Variants in TSPAN18 observed in about 807,000 individuals in gnomAD.
The protein encoded by TSPAN18 is tetraspanin 18.
A neutral mutation model predicts 27.3 loss-of-function variants in TSPAN18; 14 were observed. That is an observed-to-expected ratio of 0.51 (90% CI 0.34 to 0.80). The LOEUF (loss-of-function observed/expected upper bound fraction) is 0.80. Among genes scored for constraint, TSPAN18 ranks in the 30% least tolerant of loss-of-function variants. The probability of loss-of-function intolerance (pLI) is 0.01; values close to 1 mark genes in which losing one functional copy is unlikely to be tolerated. For missense variants in TSPAN18, 268 were observed against 323.9 expected, an observed-to-expected ratio of 0.83 and a Z score of 1.32; for synonymous variants, 143 against 136.5, an observed-to-expected ratio of 1.05 and a Z score of -0.33.
intron 2 of TSPAN18, among the ~76,000 whole-genome samples, chr11:44,790,164 T>TGTGTGTGTGTGC (rs1856160277): frequency 1.3e-5 from 2 of 150,526 alleles, no homozygotes; most frequent in Non-Finnish European, 3.0e-5. Flanking sequence ...TGTGTGTGTG[T>TGTGTGTGTGTGC]GCATGTGTGT....
chr11:44,761,317 A>G (rs925139080), intron 1 of TSPAN18, among the ~76,000 whole-genome samples: 9 of 152,028 alleles, frequency 5.9e-5, no homozygotes, highest in African/African-American at 2.2e-4. Context: ...CTTAGCCCTA[A>G]ACCTTGGGAT....
At chr11:44,907,479 CT>C (rs1590667329) in intron 4 of TSPAN18, among the ~76,000 whole-genome samples, 1 of 152,152 alleles carries the variant, frequency 6.6e-6, no homozygotes, top group South Asian at 2.1e-4. Context: ...ATCTTTGTGT[CT>C]TTTTAAAAAA....
chr11:44,828,057 T>A (rs144090416), intron 2 of TSPAN18, among the ~76,000 whole-genome samples: 65 of 152,324 alleles, frequency 4.3e-4, no homozygotes, highest in Non-Finnish European at 8.2e-4. Context: ...TTCATGGGCT[T>A]TGGACCTTAT....
At position 44,743,577 on chromosome 11, in the gene TSPAN18, G is replaced by C. The variant is rs117356480; in HGVS notation, c.-240+16290G>C. 2.8e-4 allele frequency among the ~76,000 whole-genome samples: 43 copies of C among 152,324 alleles called. No homozygotes were observed. The East Asian group carries it at 8.1e-3, about 29-fold the overall frequency. ...TTCTGCAGGAACAGCCGAGTCCTCGGAAGTTTGAGGCCTCGTGGGAAGATG... is the reference window on the plus strand; with the variant it reads ...TTCTGCAGGAACAGCCGAGTCCTCGCAAGTTTGAGGCCTCGTGGGAAGATG... On this transcript the variant is annotated intron_variant, in intron 1 of 9. Coordinates refer to ENST00000520358, the MANE Select transcript of TSPAN18 (RefSeq NM_130783.5).
At chr11:44,895,848 C>T (rs761106290) in intron 3 of TSPAN18, among the ~76,000 whole-genome samples, 3 of 152,174 alleles carry the variant, frequency 2.0e-5, no homozygotes, top group Admixed American at 6.5e-5. Context: ...AGAAGAGAAG[C>T]GGCAGGAAAC....
intron 2 of TSPAN18, among the ~76,000 whole-genome samples, chr11:44,802,421 T>A (rs1194173877): frequency 6.6e-6 from 1 of 151,960 alleles, no homozygotes; most frequent in East Asian, 1.9e-4. Flanking sequence ...TGAGAAGCCT[T>A]CAGAGAGTTT....
intron 1 of TSPAN18, among the ~76,000 whole-genome samples, chr11:44,731,557 G>A (rs992325588): frequency 2.0e-5 from 3 of 148,336 alleles, no homozygotes; most frequent in Non-Finnish European, 4.5e-5. Flanking sequence ...AAAATGGGAG[G>A]GATTAACTTT....
Position 44,781,152 on chromosome 11 carries a change from A to T in TSPAN18, c.-153+16640A>T, listed in dbSNP as rs570579849. 3.9e-5 allele frequency among the ~76,000 whole-genome samples: 6 copies of T among 152,328 alleles called. No individual in the cohort carries two copies. The East Asian group carries it at 9.6e-4, about 24-fold the overall frequency. On this transcript the variant is annotated intron_variant, in intron 2 of 9. Transcript: ENST00000520358. ...GCAGCCTTGCTGGAGGGCCCTGGCC[A>T]GTCTCTCCCCATGTGTAGAGTAGAG... is the stretch of plus-strand genomic sequence containing the variant.
At chr11:44,838,703 G>A (rs1857311570) in intron 2 of TSPAN18, among the ~76,000 whole-genome samples, 2 of 152,142 alleles carry the variant, frequency 1.3e-5, no homozygotes, top group Admixed American at 1.3e-4. Flanking sequence ...CAAGGAAGAT[G>A]GCAACCTCTA....
chr11:44,929,374 A>G lies in TSPAN18; in HGVS notation c.*196A>G. On this transcript the variant is annotated 3_prime_UTR_variant, in exon 10 of 10. Coordinates refer to ENST00000520358, the MANE Select transcript of TSPAN18 (RefSeq NM_130783.5). The stretch of plus-strand genomic sequence containing the variant: ...TGAAGACAAAAATATGGACTGATGT[A>G]TCCTCGCCTGGACTCAGGGCAGGTG... 3.0e-6 allele frequency: 2 copies of G among 672,954 alleles called. No individual in the cohort carries two copies. The highest frequency in any genetic ancestry group is 2.5e-6 in the Non-Finnish European group (1 of 405,098). 41.7% of individuals were successfully genotyped at this position (672,954 alleles called of 1,614,324 possible).
At chr11:44,850,111 T>TCCAGAAATGAGAAACACAG (rs1857565937) in intron 2 of TSPAN18, among the ~76,000 whole-genome samples, 1 of 152,088 alleles carries the variant, frequency 6.6e-6, no homozygotes, top group Non-Finnish European at 1.5e-5. Flanking sequence ...GCTCCCTTCC[T>TCCAGAAATGAGAAACACAG]CCAGAAATGA....
intron 9 of TSPAN18, among the ~76,000 whole-genome samples, chr11:44,928,570 G>A (rs1172464038): frequency 6.6e-6 from 1 of 152,304 alleles, no homozygotes; most frequent in South Asian, 2.1e-4. Context: ...GGCAGATCAC[G>A]AGGTCAAGAG....
At chr11:44,865,956 A>G (rs1858025220) in intron 3 of TSPAN18, among the ~76,000 whole-genome samples, 1 of 152,232 alleles carries the variant, frequency 6.6e-6, no homozygotes, top group Non-Finnish European at 1.5e-5. Flanking sequence ...CATTCAGTCC[A>G]GGCTTGGAGT....
intron 3 of TSPAN18, among the ~76,000 whole-genome samples, chr11:44,893,977 G>A (rs923555059): frequency 3.9e-5 from 6 of 152,186 alleles, no homozygotes; most frequent in African/African-American, 1.4e-4. Flanking sequence ...TTCTCTCCAA[G>A]TAGGGACTGC....
intron 5 of TSPAN18, among the ~76,000 whole-genome samples, chr11:44,912,328 C>G (rs1859750947): frequency 6.6e-6 from 1 of 151,984 alleles, no homozygotes; most frequent in Non-Finnish European, 1.5e-5. Context: ...CCTTGTCTTT[C>G]TCTTGATCTC....
chr11:44,907,283 T>C (rs1229389211), intron 4 of TSPAN18, among the ~76,000 whole-genome samples: 3 of 152,150 alleles, frequency 2.0e-5, no homozygotes, highest in Non-Finnish European at 4.4e-5. Context: ...CCCTGGATTC[T>C]TGGGCCCCCA....
intron 2 of TSPAN18, among the ~76,000 whole-genome samples, chr11:44,841,393 T>G (rs562723656): frequency 6.6e-6 from 1 of 151,980 alleles, no homozygotes; most frequent in Non-Finnish European, 1.5e-5. Context: ...GATGGGTGCC[T>G]GTAATCCAAG....
At chr11:44,908,287 G>C (rs7924523) in intron 4 of TSPAN18, among the ~76,000 whole-genome samples, 1 of 151,670 alleles carries the variant, frequency 6.6e-6, no homozygotes, top group African/African-American at 2.4e-5. Context: ...TTTTCCTGTC[G>C]CCCAGCTGTC....
rs1202051587 is a variant in TSPAN18, at chr11:44,929,570, A to G, written c.*392A>G. ...GTGAGGATTTAGGCAACAAGGAGGC[A>G]AAAGCAAATCTCAGAGAAGTCATCA... is the stretch of plus-strand genomic sequence containing the variant. On this transcript the variant is annotated 3_prime_UTR_variant, in exon 10 of 10. Transcript: ENST00000520358. 4.8e-6 allele frequency: 1 copy of G among 206,274 alleles called. No homozygotes were observed. The highest frequency in any genetic ancestry group is 9.7e-6 in the Non-Finnish European group (1 of 103,272). 12.8% of individuals were successfully genotyped at this position (206,274 alleles called of 1,614,324 possible). A position where few individuals can be genotyped will look rare whatever the true frequency, so the allele number is the denominator to read the frequency against.
Sources: gnomAD v4.1 joint callset for allele counts (sites outside exome capture counted in the v4.1 genomes callset) on GRCh38, gnomAD v4.1.1 for gene constraint, MANE v1.5 for transcripts, NCBI Gene and HGNC (gene_info 2026-07-23, HGNC 2026-07-21) for gene names.